UBR4: variants seen among roughly 807,000 people sequenced by gnomAD.
UBR4 encodes the protein E3 ubiquitin-protein ligase UBR4.
A neutral mutation model predicts 575.6 loss-of-function variants in UBR4; 124 were observed. That is an observed-to-expected ratio of 0.22 (90% CI 0.19 to 0.25). The LOEUF (loss-of-function observed/expected upper bound fraction) is 0.25. Ranked by LOEUF, UBR4 falls within the 10% of genes least tolerant of loss-of-function variation. The probability of loss-of-function intolerance (pLI) is 1.00; values close to 1 mark genes in which losing one functional copy is unlikely to be tolerated. For synonymous variants in UBR4, 2,455 were observed against 2,473.7 expected (o/e 0.99, Z 0.22); for missense variants, 4,818 against 6,478.8 (o/e 0.74, Z 8.80).
intron 2 of UBR4, 136 bp downstream of exon 2, chr1:19,201,582 C>T: frequency 1.6e-6 from 1 of 626,708 alleles, no homozygotes; most frequent in Non-Finnish European, 2.6e-6. Context: ...ACAGTTGTCT[C>T]TACTCTTGGG....
chr1:19,165,302 G>T lies in UBR4; in HGVS notation c.4259C>A (p.Ser1420Tyr). The T allele has an allele frequency of 1.2e-6, 2 of 1,614,220 alleles. No homozygotes were observed. The highest frequency in any genetic ancestry group is 1.7e-6 in the Non-Finnish European group (2 of 1,180,030). ...IMMATANENL[S>Y]AKFCNRVLKF... ...CAAAACTCGGTTACAGAATTTAGCA[G>T]AGAGGTTCTCATTGGCTGTTGCCAT... The change falls in exon 31 of 106, where the codon TCT (serine) becomes TAT (tyrosine). Residue 1420 changes from serine to tyrosine, a missense_variant. Coordinates refer to ENST00000375254, the MANE Select transcript of UBR4 (RefSeq NM_020765.3).
chr1:19,138,088 G>T lies in UBR4; in HGVS notation c.8825C>A (p.Thr2942Asn). 1 of 1,598,944 alleles carries T rather than the reference G, an allele frequency of 6.3e-7. No homozygotes were observed. The highest frequency in any genetic ancestry group is 8.5e-7 in the Non-Finnish European group (1 of 1,171,388). Reference sequence around the variant, plus strand: ...ATCTCCCTCCTGGTGCCCAGTGGTGGTGCTGATGGCTCCAGTGCTTGAGCT... The same window carrying T: ...ATCTCCCTCCTGGTGCCCAGTGGTGTTGCTGATGGCTCCAGTGCTTGAGCT... ...SVSSSTGAIS[T>N]TTGHQEGDGS... The change falls in exon 60 of 106, where the codon ACC (threonine) becomes AAC (asparagine). Residue 2942 changes from threonine (T) to asparagine (N), a missense_variant. Coordinates refer to ENST00000375254, the MANE Select transcript of UBR4 (RefSeq NM_020765.3).
At position 19,210,194 on chromosome 1, in the gene UBR4, G is replaced by C; in HGVS notation, c.55C>G (p.Pro19Ala). The change falls in exon 1 of 106, where the codon CCG becomes GCG. Residue 19 changes from proline to alanine, a missense_variant. Physicochemically the swap from Pro to Ala is conservative, Grantham distance 27 (BLOSUM62 -1). Coordinates refer to ENST00000375254, the MANE Select transcript of UBR4 (RefSeq NM_020765.3). ...AAAAAPAPGT[P>A]ATGADTTPGW... ...GGGGTCGTGTCCGCCCCCGTTGCCG[G>C]GGTCCCCGGCGCCGGAGCCGCTGCC... 5 of 1,481,418 alleles carry C rather than the reference G, an allele frequency of 3.4e-6. No homozygotes were observed. Among genetic ancestry groups the C allele is most frequent in the Non-Finnish European group, 4.5e-6 (5 of 1,121,044 alleles). 91.8% of individuals were successfully genotyped at this position (1,481,418 alleles called of 1,614,324 possible).
At chr1:19,124,381 C>A in intron 65 of UBR4, 160 bp downstream of exon 65, 1 of 905,634 alleles carries the variant, frequency 1.1e-6, no homozygotes, top group Non-Finnish European at 1.6e-6. Flanking sequence ...ACAGTTCTAC[C>A]ACACAGTATG....
chr1:19,174,501 T>C, intron 21 of UBR4, 54 bp from the exon 22 acceptor site: 1 of 1,585,646 alleles, frequency 6.3e-7, no homozygotes, highest in Non-Finnish European at 8.5e-7. Flanking sequence ...TATTTTTTCC[T>C]ACTGCCTATA....
Position 19,110,301 on chromosome 1 carries a change from T to G in UBR4, c.11978-78A>C. The stretch of plus-strand genomic sequence containing the variant: ...TCTGCAGAGGCCGCCCAAGCATCAG[T>G]TTCCCTCCTCCCCTCCCAGTCCGGC... On this transcript the variant is annotated intron_variant, in intron 80 of 105. Coordinates refer to ENST00000375254, the MANE Select transcript of UBR4 (RefSeq NM_020765.3). The surrounding 1 kb of genome is among the most constrained non-coding windows in gnomAD (Gnocchi z 4.5). The G allele has an allele frequency of 1.2e-6, 2 of 1,612,950 alleles. No homozygotes were observed. Among genetic ancestry groups the G allele is most frequent in the South Asian group, 1.1e-5 (1 of 91,024 alleles).
At position 19,184,146 on chromosome 1, in the gene UBR4, G is replaced by A. The variant is rs770285587; in HGVS notation, c.1968C>T (p.Asn656=). The A allele has an allele frequency of 3.1e-6, 5 of 1,614,146 alleles. No individual in the cohort carries two copies. Among genetic ancestry groups the A allele is most frequent in the Non-Finnish European group, 4.2e-6 (5 of 1,180,010 alleles). ...LFLGLASNIL[N]FITSSMLNSR... is the part of the protein sequence containing the mutation. ...AGTTCAGCATGGAAGAGGTGATGAA[G>A]TTCAAAATGTTGGAAGCCAGACCTA... is the stretch of plus-strand genomic sequence containing the variant. The change falls in exon 16 of 106, where the codon AAC becomes AAT. Residue 656 remains asparagine, a synonymous_variant. Transcript: ENST00000375254.
chr1:19,081,637 G>C (rs755197620), intron 102 of UBR4, 64 bp from the exon 103 acceptor site: 18 of 1,563,070 alleles, frequency 1.2e-5, no homozygotes, highest in Non-Finnish European at 1.5e-5. Context: ...AGCAAGAGCA[G>C]GAAGAATTTG....
chr1:19,096,360 T>C (rs549780692), intron 92 of UBR4, among the ~76,000 whole-genome samples, 163 bp downstream of exon 92: 15 of 152,234 alleles, frequency 9.9e-5, no homozygotes, highest in Admixed American at 3.3e-4. Context: ...AAGGTGTGCC[T>C]AAGAATGTAG....
rs2084652460 is a variant in UBR4 at position 19,145,049 on chromosome 1, C to G, written c.7946-142G>C. ...ACAAACACTCACATACACACTCATT[C>G]ACACACAGTAGCCTGTATTATTTAT... On this transcript the variant is annotated intron_variant, in intron 53 of 105. Transcript: ENST00000375254. 4.5e-6 allele frequency: 4 copies of G among 885,778 alleles called. No homozygotes were observed. In the Admixed American group the frequency reaches 1.0e-4, roughly 23 times the overall value. 54.9% of individuals were successfully genotyped at this position (885,778 alleles called of 1,614,324 possible).
rs1220121335 is a variant in UBR4 at position 19,164,329 on chromosome 1, C to T, written c.4624G>A (p.Ala1542Thr). 6.2e-7 allele frequency: 1 copy of T among 1,614,066 alleles called. No individual in the cohort carries two copies. The highest frequency in any genetic ancestry group is 8.5e-7 in the Non-Finnish European group (1 of 1,180,044). ...TGFPELMVVM[A>T]TLASAGQGAG... ...CCTTGACCTGCACTGGCCAGAGTGGCCATCACAACCATAAGTTCAGGGAAG... is the reference window on the plus strand; with the variant it reads ...CCTTGACCTGCACTGGCCAGAGTGGTCATCACAACCATAAGTTCAGGGAAG... The change falls in exon 33 of 106, where the codon GCC (alanine) becomes ACC (threonine). Residue 1542 changes from alanine to threonine, a missense_variant. Ala to Thr is a moderately conservative substitution (Grantham distance 58). Transcript: ENST00000375254.
intron 67 of UBR4, 91 bp from the exon 68 acceptor site, chr1:19,121,525 C>A: frequency 6.8e-7 from 1 of 1,473,944 alleles, no homozygotes; most frequent in South Asian, 1.4e-5. Context: ...GCTGAGACTG[C>A]CCTGTTCTCA....
In UBR4 at chr1:19,148,012, G is replaced by A. The variant is rs774737289; in HGVS notation, c.7610C>T (p.Ser2537Leu). Residue 2537 changes from serine (S) to leucine (L), a missense_variant, in exon 51 of 106, where the codon TCG (serine) becomes TTG (leucine). This residue lies in a region of UBR4 where 340 missense variants were observed against 375.4 expected (regional missense o/e 0.91). Coordinates refer to ENST00000375254, the MANE Select transcript of UBR4 (RefSeq NM_020765.3). ...SLLASLHTSR[S>L]AYHSHKDQAL... ...AGTTACCTTGTGGCTGTGGTAGGCC[G>A]AGCGGCTGGTGTGCAGGCTGGCCAG... 23 of 1,612,746 alleles carry A rather than the reference G, an allele frequency of 1.4e-5. No homozygotes were observed. The highest frequency in any genetic ancestry group is 2.2e-5 in the East Asian group (1 of 44,876).
chr1:19,140,537 C>A (rs1046687110), intron 58 of UBR4, among the ~76,000 whole-genome samples: 7 of 152,248 alleles, frequency 4.6e-5, no homozygotes, highest in Non-Finnish European at 2.9e-5. Context: ...GCCTGCATGC[C>A]GCTCTCTCGG....
At chr1:19,132,728 C>G (rs2082693778) in intron 60 of UBR4, among the ~76,000 whole-genome samples, 1 of 149,552 alleles carries the variant, frequency 6.7e-6, no homozygotes, top group Non-Finnish European at 1.5e-5. Context: ...AAGTTGATAA[C>G]CCCTAGAGCA....
chr1:19,153,908 G>C lies in UBR4; in HGVS notation c.6490C>G (p.Leu2164Val), dbSNP rs749388645. Residue 2164 changes from leucine (L) to valine (V), a missense_variant, in exon 45 of 106, where the codon CTT (leucine) becomes GTT (valine). By Grantham distance (32) the Leu-to-Val change is conservative. Around this residue, in one of 29 missense-constraint regions of UBR4, gnomAD observed 461 missense variants for 606.9 expected, o/e 0.76. Coordinates refer to ENST00000375254, the MANE Select transcript of UBR4 (RefSeq NM_020765.3). This position sits in a 1 kb window ranked among gnomAD's most constrained non-coding sequence, Gnocchi z 4.1. ...SNGGSKTSPALCQWSEVMNHP... is the reference protein window; with the variant it reads ...SNGGSKTSPAVCQWSEVMNHP... ...TTCATCACCTCAGACCACTGGCAAA[G>C]AGCAGGAGAAGTCTTACTGCCACCA... 1.9e-6 allele frequency: 3 copies of C among 1,614,094 alleles called. No individual in the cohort carries two copies. The highest frequency in any genetic ancestry group is 2.5e-6 in the Non-Finnish European group (3 of 1,179,988).
intron 81 of UBR4, among the ~76,000 whole-genome samples, chr1:19,108,658 A>C (rs1420659790): frequency 6.6e-6 from 1 of 152,194 alleles, no homozygotes; most frequent in Non-Finnish European, 1.5e-5. Context: ...AACCTAAGGC[A>C]CTGGCTGTCT....
chr1:19,086,653 G>A, intron 100 of UBR4, 26 bp downstream of exon 100: 1 of 1,611,584 alleles, frequency 6.2e-7, no homozygotes, highest in Non-Finnish European at 8.5e-7. Context: ...TACTGAAGGA[G>A]CCATTCCGCA....
chr1:19,105,930 C>T, intron 83 of UBR4, 88 bp from the exon 84 acceptor site: 1 of 928,202 alleles, frequency 1.1e-6, no homozygotes, highest in Admixed American at 3.5e-5. Context: ...TGCCACCCAT[C>T]TAGGAGAGGT....
Sources: allele counts gnomAD v4.1 joint callset (sites outside exome capture counted in the v4.1 genomes callset), GRCh38; gene constraint gnomAD v4.1.1; regional missense constraint gnomAD v4.1.1; non-coding constraint Gnocchi (gnomAD v3.1); transcripts MANE v1.5; gene names NCBI Gene and HGNC (gene_info 2026-07-23, HGNC 2026-07-21).